Variants in DYRK4 observed in about 807,000 individuals in gnomAD.
The protein encoded by DYRK4 is dual specificity tyrosine-phosphorylation-regulated kinase 4.
Under a neutral mutation model 68.3 loss-of-function variants are expected in DYRK4, and 64 were observed. That is an observed-to-expected ratio of 0.94 (90% CI 0.77 to 1.15). The LOEUF is 1.15. DYRK4 is among the 50% of genes most tolerant of loss of function. The pLI is 0.00. For missense variants in DYRK4, 740 were observed against 764.7 expected (o/e 0.97, Z 0.38); for synonymous variants, 274 against 289.9 (o/e 0.95, Z 0.56).
intron 2 of DYRK4, among the ~76,000 whole-genome samples, chr12:4,575,814 A>G (rs570224072): frequency 6.6e-6 from 1 of 151,952 alleles, no homozygotes; most frequent in African/African-American, 2.4e-5. Flanking sequence ...ATCCTTTGTC[A>G]GTTGTATGTG....
intron 6 of DYRK4, among the ~76,000 whole-genome samples, chr12:4,594,625 C>A (rs1944995619): frequency 6.6e-6 from 1 of 152,110 alleles, no homozygotes; most frequent in Admixed American, 6.6e-5. Context: ...CCTAGGGTCT[C>A]TGGGGAATTC....
At chr12:4,579,042 C>T (rs1314416379) in intron 2 of DYRK4, among the ~76,000 whole-genome samples, 2 of 152,006 alleles carry the variant, frequency 1.3e-5, no homozygotes, top group African/African-American at 2.4e-5. Context: ...TTTGGGAGGC[C>T]GAGGTGGGTG....
chr12:4,573,463 T>C (rs1200623748), intron 2 of DYRK4: 1 of 1,193,004 alleles, frequency 8.4e-7, no homozygotes, highest in African/African-American at 1.6e-5. Context: ...CAAAGGAATG[T>C]GAAGTGAGCA....
chr12:4,588,895 G>A (rs772136539), intron 2 of DYRK4, 42 bp from the exon 3 acceptor site: 317 of 1,518,158 alleles, frequency 2.1e-4, no homozygotes, highest in South Asian at 4.3e-4. Context: ...GTGGGATAAA[G>A]CCATGCCAAG....
At chr12:4,607,241 A>T (rs2137402044) in intron 11 of DYRK4, 86 bp from the exon 12 acceptor site, 2 of 1,518,870 alleles carry the variant, frequency 1.3e-6, no homozygotes, top group South Asian at 2.3e-5. Context: ...TGTAGAAGGC[A>T]AAGCTTGGCC....
At chr12:4,569,748 A>G (rs78097216) in intron 2 of DYRK4, among the ~76,000 whole-genome samples, 10,254 of 152,066 alleles carry the variant, frequency 0.067, 634 homozygotes, top group African/African-American at 0.16. Flanking sequence ...GGTGTGAGCC[A>G]CCACACCCGA....
At chr12:4,602,159 G>T in intron 10 of DYRK4, 1 of 678,126 alleles carries the variant, frequency 1.5e-6, no homozygotes, top group Non-Finnish European at 2.7e-6. Flanking sequence ...TTTCATATCT[G>T]TATGAACTTA....
rs151089462 is a variant in DYRK4 at position 4,589,402 on chromosome 12, G to A, written c.213+385G>A. Among the ~76,000 whole-genome samples the A allele has an allele frequency of 8.5e-5, 13 of 152,232 alleles. 1 individual carries two copies. The East Asian group carries it at 2.5e-3, about 29-fold the overall frequency. Reference sequence around the variant, plus strand: ...AATTACTATTGATTATAGTCACCCTGTTGTGCTATCAAACATGAGGTCTTA... The same window carrying A: ...AATTACTATTGATTATAGTCACCCTATTGTGCTATCAAACATGAGGTCTTA... On this transcript the variant is annotated intron_variant, in intron 3 of 14. Transcript: ENST00000543431.
At chr12:4,587,400 T>C (rs941662614) in intron 2 of DYRK4, among the ~76,000 whole-genome samples, 2 of 152,222 alleles carry the variant, frequency 1.3e-5, no homozygotes, top group African/African-American at 4.8e-5. Flanking sequence ...CCTTCTTTGT[T>C]GATACTCACT....
chr12:4,576,455 A>T (rs1944790606), intron 2 of DYRK4, among the ~76,000 whole-genome samples: 1 of 152,236 alleles, frequency 6.6e-6, no homozygotes, highest in Non-Finnish European at 1.5e-5. Context: ...TAGCAGTTAT[A>T]AATAAATCTG....
chr12:4,597,929 G>A (rs1945036752), intron 8 of DYRK4, among the ~76,000 whole-genome samples: 1 of 152,128 alleles, frequency 6.6e-6, no homozygotes, highest in Admixed American at 6.5e-5. Flanking sequence ...AGCCGGGCGT[G>A]GTGGTGCGTG....
At chr12:4,609,664 C>T (rs1945195132) in intron 12 of DYRK4, among the ~76,000 whole-genome samples, 1 of 152,090 alleles carries the variant, frequency 6.6e-6, no homozygotes, top group East Asian at 1.9e-4. Context: ...ACTTTAGGAG[C>T]TTTGTTATTG....
intron 7 of DYRK4, 97 bp from the exon 8 acceptor site, chr12:4,596,492 T>C (rs777544231): frequency 6.2e-5 from 95 of 1,528,438 alleles, no homozygotes; most frequent in Non-Finnish European, 7.9e-5. Flanking sequence ...GACAGTCTTG[T>C]TGGGGTCATG....
In DYRK4 at chr12:4,599,798, A is replaced by G. The variant is rs745404162; in HGVS notation, c.1126+10A>G. 1.9e-6 allele frequency: 3 copies of G among 1,611,282 alleles called. No individual in the cohort carries two copies. The highest frequency in any genetic ancestry group is 2.5e-6 in the Non-Finnish European group (3 of 1,178,226). The stretch of plus-strand genomic sequence containing the variant: ...TATGAACACCAGAAAGGTGAGCCCC[A>G]TGTCAGTCCCATCATCTGAGTTTTC... On this transcript the variant is annotated intron_variant, in intron 10 of 14. Transcript: ENST00000543431.
intron 2 of DYRK4, among the ~76,000 whole-genome samples, chr12:4,576,213 C>A (rs1251559017): frequency 1.3e-5 from 2 of 152,222 alleles, no homozygotes; most frequent in African/African-American, 4.8e-5. Flanking sequence ...CTGGCAACCA[C>A]TCTTTATACT....
chr12:4,604,412 C>T lies in DYRK4; in HGVS notation c.1127-502C>T, dbSNP rs766992736. Among the ~76,000 whole-genome samples, 7 of 152,298 alleles carry T rather than the reference C, an allele frequency of 4.6e-5. No homozygotes were observed. The East Asian group carries it at 9.6e-4, about 21-fold the overall frequency. On this transcript the variant is annotated intron_variant, in intron 10 of 14. Transcript: ENST00000543431. Reference sequence around the variant, plus strand: ...AAATAACTACCGTGTTCCATTTCTTCGACTTCAGTCTGTTCATCCTCACCT... The same window carrying T: ...AAATAACTACCGTGTTCCATTTCTTTGACTTCAGTCTGTTCATCCTCACCT...
At chr12:4,599,497 A>G in intron 9 of DYRK4, 1 of 574,022 alleles carries the variant, frequency 1.7e-6, no homozygotes, top group Non-Finnish European at 3.1e-6. Context: ...TGTGCAAAGC[A>G]GTGACTATGA....
Position 4,610,181 on chromosome 12 carries a change from AC to A in DYRK4, c.1389del (p.Asn464ThrfsTer18). 1 of 1,600,656 alleles carries A rather than the reference AC, an allele frequency of 6.2e-7. No homozygotes were observed. The highest frequency in any genetic ancestry group is 8.5e-7 in the Non-Finnish European group (1 of 1,175,586). On this transcript the variant is annotated frameshift_variant, in exon 13 of 15. Transcript: ENST00000543431. LOFTEE classifies it high-confidence loss of function. ...FDSKGFPKNI[T>X]NNRGKKRYPD... ...TTCCAAAGGTTTTCCTAAAAATATA[AC>A]CAACAACAGGGGGAAAAAAAGATAC...
chr12:4,604,859 G>A, intron 10 of DYRK4, 55 bp from the exon 11 acceptor site: 1 of 1,510,968 alleles, frequency 6.6e-7, no homozygotes, highest in Non-Finnish European at 8.9e-7. Context: ...GGGGGAGAGC[G>A]TTCTGGAGGG....
Sources: allele counts gnomAD v4.1 joint callset (sites outside exome capture counted in the v4.1 genomes callset), GRCh38; gene constraint gnomAD v4.1.1; transcripts MANE v1.5; gene names NCBI Gene and HGNC (gene_info 2026-07-23, HGNC 2026-07-21).